Variants in GRIA1 observed in about 807,000 individuals in gnomAD.
GRIA1 encodes glutamate receptor 1.
GRIA1 carries 31 observed loss-of-function variants against 99.2 expected under a neutral mutation model. That is an observed-to-expected ratio of 0.31 (90% confidence interval 0.23 to 0.42). GRIA1 has a LOEUF of 0.42. Among genes scored for constraint, GRIA1 ranks in the 10% least tolerant of loss-of-function variants. The pLI is 1.00. For missense variants in GRIA1, 782 were observed against 1,157.5 expected, an observed-to-expected ratio of 0.68 and a Z score of 4.71; for synonymous variants, 438 against 432.4, an observed-to-expected ratio of 1.01 and a Z score of -0.16.
chr5:153,505,980 C>G (rs1290715789), intron 2 of GRIA1, among the ~76,000 whole-genome samples: 2 of 152,168 alleles, frequency 1.3e-5, no homozygotes, highest in African/African-American at 4.8e-5. Flanking sequence ...TGTGGAATGT[C>G]GAAATCCAGC....
chr5:153,540,522 A>G (rs1758978915), intron 2 of GRIA1, among the ~76,000 whole-genome samples: 1 of 152,082 alleles, frequency 6.6e-6, no homozygotes, highest in African/African-American at 2.4e-5. Context: ...CTCAACTCCC[A>G]TGGTTGGCCA....
intron 2 of GRIA1, among the ~76,000 whole-genome samples, chr5:153,622,493 A>G (rs1493400): frequency 0.22 from 33,797 of 152,140 alleles, 4,307 homozygotes; most frequent in Non-Finnish European, 0.29. Context: ...ATACAAATGT[A>G]TCTCAAGGAA....
intron 11 of GRIA1, among the ~76,000 whole-genome samples, chr5:153,757,939 A>G (rs1762935557): frequency 6.6e-6 from 1 of 152,216 alleles, no homozygotes; most frequent in Non-Finnish European, 1.5e-5. Flanking sequence ...TAAATCACTT[A>G]CATTATTAGT....
intron 15 of GRIA1, among the ~76,000 whole-genome samples, chr5:153,802,725 G>C (rs1006010262): frequency 6.6e-6 from 1 of 152,206 alleles, no homozygotes; most frequent in African/African-American, 2.4e-5. Flanking sequence ...GCATTTGCCA[G>C]AGTGGGGTCA....
chr5:153,690,222 A>G (rs1290649140), intron 8 of GRIA1, among the ~76,000 whole-genome samples: 1 of 151,976 alleles, frequency 6.6e-6, no homozygotes, highest in Non-Finnish European at 1.5e-5. Context: ...ACTGGCAACT[A>G]CTAAGGAAAG....
intron 2 of GRIA1, among the ~76,000 whole-genome samples, chr5:153,620,096 G>T (rs2149421175): frequency 6.6e-6 from 1 of 152,270 alleles, no homozygotes; most frequent in East Asian, 1.9e-4. Context: ...TTCTGATTAA[G>T]TGTGAATTAG....
At chr5:153,538,697 C>A (rs186260659) in intron 2 of GRIA1, among the ~76,000 whole-genome samples, 3 of 152,294 alleles carry the variant, frequency 2.0e-5, no homozygotes, top group South Asian at 2.1e-4. Flanking sequence ...CACCCACCCA[C>A]CCTTTTTGTG....
intron 2 of GRIA1, among the ~76,000 whole-genome samples, chr5:153,509,849 T>G (rs1046460835): frequency 6.6e-5 from 10 of 152,220 alleles, no homozygotes; most frequent in Non-Finnish European, 8.8e-5. Context: ...TTGTTCAATT[T>G]AATTGTTTGT....
chr5:153,705,479 A>G (rs1041654538), intron 10 of GRIA1, among the ~76,000 whole-genome samples: 1 of 152,128 alleles, frequency 6.6e-6, no homozygotes, highest in Non-Finnish European at 1.5e-5. Context: ...TAGAACAGTC[A>G]AATAACTAGA....
At chr5:153,707,095 G>C (rs574315719) in intron 11 of GRIA1, among the ~76,000 whole-genome samples, 3 of 152,016 alleles carry the variant, frequency 2.0e-5, no homozygotes, top group Non-Finnish European at 2.9e-5. Flanking sequence ...CTCCAGCCTG[G>C]GTGACAGAGT....
At chr5:153,686,462 C>G (rs1757348426) in intron 8 of GRIA1, 133 bp downstream of exon 8, 1 of 598,608 alleles carries the variant, frequency 1.7e-6, no homozygotes, top group Non-Finnish European at 2.9e-6. Context: ...AGATTCTAGA[C>G]TTGGCTCTGC....
chr5:153,706,128 G>GTTTTTTTTTT (rs763821992), intron 11 of GRIA1, 61 bp downstream of exon 11: 1 of 1,503,586 alleles, frequency 6.7e-7, no homozygotes, highest in African/African-American at 1.4e-5. Context: ...TTGTTTGTTT[G>GTTTTTTTTTT]TTTGTTTTTT....
At chr5:153,562,855 T>C (rs1415890869) in intron 2 of GRIA1, among the ~76,000 whole-genome samples, 1 of 152,162 alleles carries the variant, frequency 6.6e-6, no homozygotes, top group Middle Eastern at 3.2e-3. Context: ...AAGAGTACTT[T>C]CCAAAGTATA....
At chr5:153,721,865 T>G (rs1398589277) in intron 11 of GRIA1, among the ~76,000 whole-genome samples, 4 of 152,214 alleles carry the variant, frequency 2.6e-5, no homozygotes, top group African/African-American at 9.6e-5. Flanking sequence ...TTCTGTTGGA[T>G]GCATAACTAG....
At chr5:153,526,971 T>C (rs1281849601) in intron 2 of GRIA1, among the ~76,000 whole-genome samples, 1 of 152,206 alleles carries the variant, frequency 6.6e-6, no homozygotes, top group Non-Finnish European at 1.5e-5. Flanking sequence ...GGGAAGAGGC[T>C]AGATAGAGAG....
At position 153,770,411 on chromosome 5, in the gene GRIA1, C is replaced by G. The variant is rs752017466; in HGVS notation, c.2266C>G (p.Leu756Val). ...CATTGCAACACCCAAGGGGTCTGCC[C>G]TGAGGTAAGTAGCCAAGATTTGCTT... ...YGIATPKGSA[L>V]RNPVNLAVLK... The change falls in exon 13 of 16, where the codon CTG becomes GTG. Residue 756 changes from leucine (L) to valine (V), a missense_variant. Physicochemically the swap from Leu to Val is conservative, Grantham distance 32. Transcript: ENST00000285900. 1 of 1,611,436 alleles carries G rather than the reference C, an allele frequency of 6.2e-7. No individual in the cohort carries two copies. The highest frequency in any genetic ancestry group is 8.5e-7 in the Non-Finnish European group (1 of 1,177,896).
chr5:153,687,463 A>C (rs57043301), intron 8 of GRIA1, among the ~76,000 whole-genome samples: 25,828 of 152,184 alleles, frequency 0.17, 2,488 homozygotes, highest in African/African-American at 0.25. Flanking sequence ...AAGTACTGGA[A>C]CTGGCCCATT....
chr5:153,765,592 CCTAGACAAAAGGAACAACTTGGACAGA>C (rs1763465439), intron 12 of GRIA1, among the ~76,000 whole-genome samples: 1 of 151,884 alleles, frequency 6.6e-6, no homozygotes, highest in South Asian at 2.1e-4. Flanking sequence ...CTAAGTACAA[CCTAGACAAAAGGAACAACTTGGACAGA>C]CACCGAGAAG....
At chr5:153,579,900 A>ACAC (rs1561659726) in intron 2 of GRIA1, among the ~76,000 whole-genome samples, 2 of 150,264 alleles carry the variant, frequency 1.3e-5, no homozygotes, top group East Asian at 4.0e-4. Context: ...AACAAACAAA[A>ACAC]AAAAAAAAAC....
Sources: gnomAD v4.1 joint callset for allele counts (sites outside exome capture counted in the v4.1 genomes callset) on GRCh38, gnomAD v4.1.1 for gene constraint, MANE v1.5 for transcripts, NCBI Gene and HGNC (gene_info 2026-07-23, HGNC 2026-07-21) for gene names.